The following SIPA1L1 variants were observed in gnomAD, a reference collection of about 807,000 sequenced individuals.
The protein encoded by SIPA1L1 is signal induced proliferation associated 1 like 1, also known as signal-induced proliferation-associated 1-like protein 1.
A neutral mutation model predicts 162.7 loss-of-function variants in SIPA1L1; 26 were observed. That is an observed-to-expected ratio of 0.16 (90% confidence interval 0.12 to 0.22). The LOEUF is 0.22. SIPA1L1 is among the 10% of genes least tolerant of loss of function. The pLI, the probability that SIPA1L1 is intolerant of heterozygous loss-of-function variation, is 1.00. For synonymous variants in SIPA1L1, 829 were observed against 837.4 expected, an observed-to-expected ratio of 0.99 and a Z score of 0.17; for missense variants, 1,874 against 2,241.0, an observed-to-expected ratio of 0.84 and a Z score of 3.31.
At chr14:71,414,786 AGAT>A (rs2042640737) in intron 2 of SIPA1L1, among the ~76,000 whole-genome samples, 1 of 152,230 alleles carries the variant, frequency 6.6e-6, no homozygotes, top group Non-Finnish European at 1.5e-5. Context: ...AGAAATGATC[AGAT>A]GATCTACCCT....
chr14:71,651,313 C>T (rs1269186412), intron 8 of SIPA1L1, among the ~76,000 whole-genome samples: 1 of 152,122 alleles, frequency 6.6e-6, no homozygotes, highest in Non-Finnish European at 1.5e-5. Flanking sequence ...ATTAGCACAT[C>T]TGTATTGCAG....
intron 3 of SIPA1L1, among the ~76,000 whole-genome samples, chr14:71,515,178 TAC>T (rs1211189538): frequency 6.6e-6 from 1 of 152,234 alleles, no homozygotes; most frequent in African/African-American, 2.4e-5. Flanking sequence ...TCAGGCCAAA[TAC>T]ACAGTTGTTA....
intron 7 of SIPA1L1, among the ~76,000 whole-genome samples, chr14:71,635,820 T>TA (rs1385030359): frequency 3.3e-5 from 5 of 152,196 alleles, no homozygotes; most frequent in African/African-American, 1.2e-4. Flanking sequence ...ATTATCTAAT[T>TA]ATATAAACTA....
intron 2 of SIPA1L1, among the ~76,000 whole-genome samples, chr14:71,456,518 C>A (rs543729300): frequency 3.2e-4 from 49 of 152,186 alleles, no homozygotes; most frequent in African/African-American, 1.2e-3. Context: ...CTAGGCAGAA[C>A]CAAATGTACA....
intron 4 of SIPA1L1, among the ~76,000 whole-genome samples, chr14:71,567,836 G>T (rs2031045629): frequency 1.3e-5 from 2 of 151,590 alleles, no homozygotes; most frequent in Non-Finnish European, 1.5e-5. Flanking sequence ...GATTATTCAT[G>T]AGTTTTCTGG....
chr14:71,622,170 C>T (rs576728936), intron 6 of SIPA1L1, among the ~76,000 whole-genome samples: 9 of 152,186 alleles, frequency 5.9e-5, no homozygotes, highest in African/African-American at 1.9e-4. Context: ...CTTCAGTAAG[C>T]GGCAGCAAGA....
chr14:71,597,955 A>G (rs2036241974), intron 5 of SIPA1L1, among the ~76,000 whole-genome samples: 1 of 152,232 alleles, frequency 6.6e-6, no homozygotes, highest in Non-Finnish European at 1.5e-5. Flanking sequence ...GGTTTTACAA[A>G]TGAATGAATG....
At chr14:71,613,078 TTAGC>T (rs1360635952) in intron 5 of SIPA1L1, among the ~76,000 whole-genome samples, 11 of 152,286 alleles carry the variant, frequency 7.2e-5, no homozygotes, top group African/African-American at 2.6e-4. Context: ...CAACAAAACC[TTAGC>T]TAAACAGCAC....
intron 5 of SIPA1L1, among the ~76,000 whole-genome samples, chr14:71,590,091 A>G (rs2035188534): frequency 6.8e-6 from 1 of 147,222 alleles, no homozygotes; most frequent in East Asian, 2.0e-4. Context: ...ACACACACAC[A>G]TATATACACA....
chr14:71,675,475 G>A (rs1325380440), intron 12 of SIPA1L1, among the ~76,000 whole-genome samples: 2 of 152,246 alleles, frequency 1.3e-5, no homozygotes, highest in Non-Finnish European at 1.5e-5. Context: ...GAAATGCCTT[G>A]ATGCCTTTGG....
intron 5 of SIPA1L1, among the ~76,000 whole-genome samples, chr14:71,595,557 A>G (rs1057174215): frequency 2.1e-4 from 32 of 152,158 alleles, no homozygotes; most frequent in Admixed American, 2.0e-3. Context: ...TATATCCTGT[A>G]TCATTAATGA....
At chr14:71,468,673 G>A (rs1306573421) in intron 2 of SIPA1L1, among the ~76,000 whole-genome samples, 2 of 152,154 alleles carry the variant, frequency 1.3e-5, no homozygotes, top group Non-Finnish European at 2.9e-5. Flanking sequence ...TCGGACAGGG[G>A]CACATATCCA....
At chr14:71,659,116 A>T (rs550706136) in intron 9 of SIPA1L1, among the ~76,000 whole-genome samples, 24 of 152,352 alleles carry the variant, frequency 1.6e-4, no homozygotes, top group Admixed American at 4.6e-4. Context: ...TTGATTTTTT[A>T]AAATATTTTA....
intron 3 of SIPA1L1, among the ~76,000 whole-genome samples, chr14:71,526,478 A>G (rs2052885302): frequency 6.6e-6 from 1 of 152,180 alleles, no homozygotes; most frequent in East Asian, 1.9e-4. Context: ...TTGTCTCAAC[A>G]TTATGTTTGT....
chr14:71,442,172 CAAAAAAAAAAAAA>C (rs368432068), intron 2 of SIPA1L1, among the ~76,000 whole-genome samples: 5 of 26,092 alleles, frequency 1.9e-4, no homozygotes, highest in South Asian at 2.5e-3. Context: ...GACTCTGTCT[CAAAAAAAAAAAAA>C]AAAAAAAAAA....
chr14:71,464,647 C>G (rs2046849734), intron 2 of SIPA1L1, among the ~76,000 whole-genome samples: 1 of 136,644 alleles, frequency 7.3e-6, no homozygotes. Context: ...TCTCAAAAAA[C>G]AAAACAAAAC....
In SIPA1L1 at chr14:71,457,799, G is replaced by A. The variant is rs185482051; in HGVS notation, c.-464-54944G>A. Among the ~76,000 whole-genome samples, 12 of 150,646 alleles carry A rather than the reference G, an allele frequency of 8.0e-5. 1 individual carries two copies. The highest frequency in any genetic ancestry group is 7.9e-4 in the Admixed American group (12 of 15,126). On this transcript the variant is annotated intron_variant, in intron 2 of 23. Transcript: ENST00000381232. ...TTAGTAGAGATGGGGGTTTCACCAT[G>A]TTGCTCAGGCTGGTCTCGAACTCCT...
At chr14:71,480,626 G>T (rs146339840) in intron 2 of SIPA1L1, among the ~76,000 whole-genome samples, 1 of 151,846 alleles carries the variant, frequency 6.6e-6, no homozygotes, top group Non-Finnish European at 1.5e-5. Flanking sequence ...GCTGGGCTTG[G>T]TGGTGGGTGC....
intron 2 of SIPA1L1, among the ~76,000 whole-genome samples, chr14:71,464,130 C>T (rs2046809084): frequency 6.6e-6 from 1 of 152,174 alleles, no homozygotes; most frequent in African/African-American, 2.4e-5. Flanking sequence ...AAGGGTATAT[C>T]TTCTGGACCT....
Sources: allele counts gnomAD v4.1 joint callset (sites outside exome capture counted in the v4.1 genomes callset), GRCh38; gene constraint gnomAD v4.1.1; transcripts MANE v1.5; gene names NCBI Gene and HGNC (gene_info 2026-07-23, HGNC 2026-07-21).